The following EML5 variants were observed in gnomAD, a reference collection of about 807,000 sequenced individuals.
EML5 encodes EMAP like 5, also known as echinoderm microtubule-associated protein-like 5.
EML5 carries 120 observed loss-of-function variants against 250.0 expected under a neutral mutation model. That is an observed-to-expected ratio of 0.48 (90% CI 0.41 to 0.56). The LOEUF is 0.56. Among genes scored for constraint, EML5 ranks in the 20% least tolerant of loss-of-function variants. The probability of loss-of-function intolerance (pLI) is 0.00; values close to 1 mark genes in which losing one functional copy is unlikely to be tolerated. For synonymous variants in EML5, 771 were observed against 806.5 expected, an observed-to-expected ratio of 0.96 and a Z score of 0.75; for missense variants, 2,006 against 2,437.6, an observed-to-expected ratio of 0.82 and a Z score of 3.73.
At position 88,688,313 on chromosome 14, in the gene EML5, T is replaced by C. The variant is rs1012239051; in HGVS notation, c.2700A>G (p.Lys900=). 1 of 1,613,990 alleles carries C rather than the reference T, an allele frequency of 6.2e-7. No individual in the cohort carries two copies. Among genetic ancestry groups the C allele is most frequent in the Non-Finnish European group, 8.5e-7 (1 of 1,179,898 alleles). Residue 900 remains lysine, a synonymous_variant, in exon 18 of 44, where the codon AAA becomes AAG. Coordinates refer to ENST00000554922, the MANE Select transcript of EML5 (RefSeq NM_183387.3). ...TACTGAACACTGGCCCATCATGCGC[T>C]TTCACTGTTTTTACAAGAAAGATGT... ...WRDIFLVKTV[K]AHDGPVFSMH... is the part of the protein sequence containing the mutation.
intron 35 of EML5, chr14:88,625,366 T>C (rs2089761168): frequency 4.5e-6 from 2 of 445,638 alleles, no homozygotes; most frequent in Admixed American, 3.9e-5. Context: ...AGACAATTCT[T>C]CCCTTCCAAT....
intron 2 of EML5, among the ~76,000 whole-genome samples, chr14:88,747,049 G>A (rs755537868): frequency 3.3e-5 from 5 of 151,884 alleles, no homozygotes; most frequent in South Asian, 2.1e-4. Context: ...ATGAAGTACC[G>A]CAACTTTGAT....
At chr14:88,691,533 T>C (rs1360357637) in intron 17 of EML5, among the ~76,000 whole-genome samples, 5 of 152,226 alleles carry the variant, frequency 3.3e-5, no homozygotes, top group Admixed American at 2.0e-4. Context: ...ACATTATTAT[T>C]GCATCAAAAA....
At chr14:88,666,399 T>A (rs185803953) in intron 21 of EML5, among the ~76,000 whole-genome samples, 29 of 152,178 alleles carry the variant, frequency 1.9e-4, no homozygotes, top group African/African-American at 6.5e-4. Flanking sequence ...GCTACTTTTG[T>A]ATTTTTAGTA....
chr14:88,657,345 T>C (rs2091910191), intron 27 of EML5, 31 bp downstream of exon 27: 1 of 1,523,442 alleles, frequency 6.6e-7, no homozygotes, highest in Admixed American at 2.2e-5. Context: ...CAATATCTTT[T>C]TCTTCATCTA....
rs1479805573 is a variant in EML5, at chr14:88,736,289, G to C, written c.1049+75C>G. On this transcript the variant is annotated intron_variant, in intron 7 of 43. Coordinates refer to ENST00000554922, the MANE Select transcript of EML5 (RefSeq NM_183387.3). ...GCTGGGATTACGGGCGTGAGCCACA[G>C]TGCCTGGCCATGTTTTCTTTATGTT... 1,005 of 1,537,668 alleles carry C rather than the reference G, an allele frequency of 6.5e-4. 12 individuals carry two copies. The highest frequency in any genetic ancestry group is 3.9e-5 in the Non-Finnish European group (44 of 1,120,486).
intron 21 of EML5, 50 bp downstream of exon 21, chr14:88,681,839 GT>G: frequency 6.5e-7 from 1 of 1,527,284 alleles, no homozygotes; most frequent in Admixed American, 2.2e-5. Flanking sequence ...ATTTGTAAAG[GT>G]TAGAAAACTG....
chr14:88,688,168 G>T, intron 18 of EML5, 103 bp downstream of exon 18: 1 of 1,138,862 alleles, frequency 8.8e-7, no homozygotes, highest in Non-Finnish European at 1.3e-6. Context: ...GACTACTGCT[G>T]GATAGTCCAG....
chr14:88,687,944 G>C (rs1290358055), intron 18 of EML5, among the ~76,000 whole-genome samples: 3 of 152,068 alleles, frequency 2.0e-5, no homozygotes, highest in Non-Finnish European at 4.4e-5. Context: ...GGTGGCACTT[G>C]CCTGTAGTCA....
chr14:88,620,360 T>C lies in EML5; in HGVS notation c.5375+394A>G, dbSNP rs1176640409. The C allele has an allele frequency of 6.3e-6, 1 of 159,622 alleles. No homozygotes were observed. The highest frequency in any genetic ancestry group is 1.8e-4 in the East Asian group (1 of 5,470). 9.9% of individuals were successfully genotyped at this position (159,622 alleles called of 1,614,324 possible). A position where few individuals can be genotyped will look rare whatever the true frequency, so the allele number is the denominator to read the frequency against. On this transcript the variant is annotated intron_variant, in intron 39 of 43. Transcript: ENST00000554922. This position sits in a 1 kb window ranked among gnomAD's most constrained non-coding sequence, Gnocchi z 4.3. ...GTATTGATTAAATTAATGAACTACATATTCCCAAACTGAGGTTACTAAGAG... is the reference window on the plus strand; with the variant it reads ...GTATTGATTAAATTAATGAACTACACATTCCCAAACTGAGGTTACTAAGAG...
At chr14:88,679,808 G>C (rs565286138) in intron 21 of EML5, among the ~76,000 whole-genome samples, 1 of 152,286 alleles carries the variant, frequency 6.6e-6, no homozygotes, top group Non-Finnish European at 1.5e-5. Context: ...GATGATACAA[G>C]AGTCACAGGA....
intron 33 of EML5, among the ~76,000 whole-genome samples, chr14:88,632,589 A>C (rs999824162): frequency 4.6e-5 from 7 of 152,170 alleles, no homozygotes; most frequent in Non-Finnish European, 1.0e-4. Context: ...GGAAAGATTT[A>C]ATATAAGCAG....
At chr14:88,724,037 G>GA in intron 8 of EML5, among the ~76,000 whole-genome samples, 1 of 151,868 alleles carries the variant, frequency 6.6e-6, no homozygotes, top group East Asian at 1.9e-4. Flanking sequence ...CTGGGAGGCC[G>GA]AGGCGGGCAG....
At chr14:88,686,676 T>C (rs1169781364) in intron 19 of EML5, among the ~76,000 whole-genome samples, 4 of 152,106 alleles carry the variant, frequency 2.6e-5, no homozygotes, top group African/African-American at 9.7e-5. Flanking sequence ...CTGAGTATGG[T>C]GGCAGGCGCC....
At chr14:88,663,816 T>A (rs2092216153) in intron 23 of EML5, among the ~76,000 whole-genome samples, 1 of 151,878 alleles carries the variant, frequency 6.6e-6, no homozygotes, top group African/African-American at 2.4e-5. Context: ...ATTACAGGCA[T>A]GAGCCACCAT....
At chr14:88,786,885 G>A (rs190359530) in intron 1 of EML5, among the ~76,000 whole-genome samples, 30 of 152,196 alleles carry the variant, frequency 2.0e-4, no homozygotes, top group African/African-American at 5.3e-4. Flanking sequence ...GCATGAAAAC[G>A]GACTAATGAA....
Position 88,688,327 on chromosome 14 carries a change from C to T in EML5, c.2686G>A (p.Val896Ile). The T allele has an allele frequency of 6.2e-7, 1 of 1,613,910 alleles. No homozygotes were observed. The highest frequency in any genetic ancestry group is 1.1e-5 in the South Asian group (1 of 91,076). The change falls in exon 18 of 44, where the codon GTA becomes ATA. Residue 896 changes from valine to isoleucine, a missense_variant. Val to Ile is a conservative substitution (Grantham distance 29). Around this residue, in one of 7 missense-constraint regions of EML5, gnomAD observed 1,375 missense variants for 1,590.3 expected, o/e 0.86. Coordinates refer to ENST00000554922, the MANE Select transcript of EML5 (RefSeq NM_183387.3). ...DVCIWRDIFL[V>I]KTVKAHDGPV... is the part of the protein sequence containing the mutation. The stretch of plus-strand genomic sequence containing the variant: ...CCATCATGCGCTTTCACTGTTTTTA[C>T]AAGAAAGATGTCTCTCCAGATACAC...
chr14:88,637,573 G>C (rs1209240358), intron 32 of EML5, among the ~76,000 whole-genome samples: 1 of 152,096 alleles, frequency 6.6e-6, no homozygotes, highest in African/African-American at 2.4e-5. Flanking sequence ...CATTAATACA[G>C]GGATTTTGCC....
chr14:88,745,163 G>GTATT (rs2140290031), intron 3 of EML5, among the ~76,000 whole-genome samples: 1 of 142,044 alleles, frequency 7.0e-6, no homozygotes, highest in Admixed American at 7.0e-5. Context: ...TCTAAATTGT[G>GTATT]TGTTTGTGTG....
Sources: gnomAD v4.1 joint callset for allele counts (sites outside exome capture counted in the v4.1 genomes callset) on GRCh38, gnomAD v4.1.1 for gene constraint, gnomAD v4.1.1 regional missense constraint, Gnocchi (gnomAD v3.1) non-coding constraint, MANE v1.5 for transcripts, NCBI Gene and HGNC (gene_info 2026-07-23, HGNC 2026-07-21) for gene names.